The following KIF13A variants were observed in gnomAD, a reference collection of about 807,000 sequenced individuals.
The protein encoded by KIF13A is kinesin-like protein KIF13A.
KIF13A carries 79 observed loss-of-function variants against 212.2 expected under a neutral mutation model. That is an observed-to-expected ratio of 0.37 (90% CI 0.31 to 0.45). The LOEUF (loss-of-function observed/expected upper bound fraction) is 0.45. Among genes scored for constraint, KIF13A ranks in the 20% least tolerant of loss-of-function variants. The pLI is 1.00. For synonymous variants in KIF13A, 789 were observed against 808.6 expected (o/e 0.98, Z 0.41); for missense variants, 1,901 against 2,209.0 (o/e 0.86, Z 2.79).
At chr6:17,873,259 GA>G in intron 4 of KIF13A, 117 bp downstream of exon 4, 1 of 649,062 alleles carries the variant, frequency 1.5e-6, no homozygotes. Flanking sequence ...GGTATAATTG[GA>G]AAGAACAGGT....
intron 4 of KIF13A, among the ~76,000 whole-genome samples, chr6:17,863,846 C>T (rs956071300): frequency 6.6e-6 from 1 of 152,128 alleles, no homozygotes; most frequent in Admixed American, 6.5e-5. Context: ...TTAAACACAA[C>T]AGTCCCTTTT....
At chr6:17,818,912 T>C (rs1416164322) in intron 16 of KIF13A, among the ~76,000 whole-genome samples, 1 of 152,100 alleles carries the variant, frequency 6.6e-6, no homozygotes, top group Non-Finnish European at 1.5e-5. Context: ...GTTTTATTGA[T>C]ATAAAATTCT....
chr6:17,956,244 T>C (rs1309986825), intron 2 of KIF13A, among the ~76,000 whole-genome samples: 1 of 152,206 alleles, frequency 6.6e-6, no homozygotes, highest in African/African-American at 2.4e-5. Flanking sequence ...GTGAAAAGGC[T>C]AGGATTTACT....
rs915641707 is a variant in KIF13A at position 17,772,955 on chromosome 6, A to C, written c.4324+523T>G. 2.0e-5 allele frequency among the ~76,000 whole-genome samples: 3 copies of C among 152,152 alleles called. No individual in the cohort carries two copies. The highest frequency in any genetic ancestry group is 2.0e-4 in the Admixed American group (3 of 15,270). ...GAATATACCTTATATTTTACCTACT[A>C]ATATAAGGTATAAGGTAACAGAACC... On this transcript the variant is annotated intron_variant, in intron 36 of 38. Transcript: ENST00000259711. This position sits in a 1 kb window ranked among gnomAD's most constrained non-coding sequence, Gnocchi z 4.8.
rs1772163074 is a variant in KIF13A, at chr6:17,892,540, G to A, written c.159+5628C>T. 6.6e-6 allele frequency among the ~76,000 whole-genome samples: 1 copy of A among 152,218 alleles called. No homozygotes were observed. Among genetic ancestry groups the A allele is most frequent in the Admixed American group, 6.5e-5 (1 of 15,278 alleles). On this transcript the variant is annotated intron_variant, in intron 3 of 38. Transcript: ENST00000259711. The surrounding 1 kb of genome is among the most constrained non-coding windows in gnomAD (Gnocchi z 4.7). Reference sequence around the variant, plus strand: ...TTGTATGCTAATGAGATGACTGGTGGCTGGGGTCCCCAGGTGGCTTCAAGA... The same window carrying A: ...TTGTATGCTAATGAGATGACTGGTGACTGGGGTCCCCAGGTGGCTTCAAGA...
intron 9 of KIF13A, among the ~76,000 whole-genome samples, chr6:17,840,856 A>G (rs1441503047): frequency 1.3e-5 from 2 of 152,180 alleles, no homozygotes; most frequent in East Asian, 3.8e-4. Context: ...GACTCAGGAA[A>G]AGCTCTAAAA....
chr6:17,760,854 C>T (rs867005050), downstream of KIF13A: 1 of 1,613,812 alleles, frequency 6.2e-7, no homozygotes. Flanking sequence ...GTGCTTGCTG[C>T]TCTCACCGTG....
At chr6:17,781,079 CT>C in intron 30 of KIF13A, 97 bp downstream of exon 30, 2 of 1,506,892 alleles carry the variant, frequency 1.3e-6, no homozygotes, top group Non-Finnish European at 1.8e-6. Flanking sequence ...AGTCCCCGGT[CT>C]TTTTCCCCAA....
chr6:17,920,918 T>C (rs978749097), intron 2 of KIF13A, among the ~76,000 whole-genome samples: 3 of 151,016 alleles, frequency 2.0e-5, no homozygotes, highest in Non-Finnish European at 4.4e-5. Flanking sequence ...AGAATAAACA[T>C]TGTAAATTGA....
chr6:17,924,425 G>A (rs777303898), intron 2 of KIF13A, among the ~76,000 whole-genome samples: 32 of 152,188 alleles, frequency 2.1e-4, no homozygotes, highest in Non-Finnish European at 2.8e-4. Flanking sequence ...ATGTATTAGT[G>A]TGTTTGATGT....
At position 17,786,372 on chromosome 6, in the gene KIF13A, G is replaced by A. The variant is rs541383218; in HGVS notation, c.3362-731C>T. On this transcript the variant is annotated intron_variant, in intron 27 of 38. Coordinates refer to ENST00000259711, the MANE Select transcript of KIF13A (RefSeq NM_022113.6). The surrounding 1 kb of genome is among the most constrained non-coding windows in gnomAD (Gnocchi z 5.4). ...CCAGCACTTTTGGAGGCCGAGGTGG[G>A]CAGATCTCCTGAGGTCAGGAGTTCA... Among the ~76,000 whole-genome samples, 125 of 152,280 alleles carry A rather than the reference G, an allele frequency of 8.2e-4. No homozygotes were observed. The highest frequency in any genetic ancestry group is 1.3e-3 in the Non-Finnish European group (89 of 68,034).
intron 3 of KIF13A, among the ~76,000 whole-genome samples, chr6:17,890,960 G>A (rs1366633017): frequency 9.2e-5 from 14 of 151,890 alleles, no homozygotes; most frequent in East Asian, 7.7e-4. Flanking sequence ...ACACCCAGTC[G>A]AATTTCCCTA....
chr6:17,836,822 G>A (rs1765998321), intron 11 of KIF13A, 56 bp downstream of exon 11: 1 of 1,522,800 alleles, frequency 6.6e-7, no homozygotes, highest in Admixed American at 1.7e-5. Flanking sequence ...ACCCTTGCCA[G>A]TCAAATCCCG....
rs568716057 is a variant in KIF13A at position 17,865,932 on chromosome 6, C to T, written c.220+7445G>A. ...ACCACAGCAACAGCACTGGGGCTGG[C>T]CATGAGCATGGTCTTTTTTTGTTGC... On this transcript the variant is annotated intron_variant, in intron 4 of 38. Transcript: ENST00000259711. 2.0e-5 allele frequency among the ~76,000 whole-genome samples: 3 copies of T among 152,284 alleles called. No individual in the cohort carries two copies. In the South Asian group the frequency reaches 6.2e-4, roughly 32 times the overall value.
chr6:17,797,195 A>C (rs576158332), intron 22 of KIF13A, among the ~76,000 whole-genome samples: 1 of 151,872 alleles, frequency 6.6e-6, no homozygotes, highest in East Asian at 2.0e-4. Context: ...ACGCCCGGCT[A>C]TTTTTTTGTA....
At position 17,929,059 on chromosome 6, in the gene KIF13A, C is replaced by CAAAAA. The variant is rs375511285; in HGVS notation, c.147-30884_147-30880dup. ...AATAACTCAAAAGAAAAGAATTTCT[C>CAAAAA]AAAAAAAAAAAAAAAAAAAAAAAAC... On this transcript the variant is annotated intron_variant, in intron 2 of 38. Coordinates refer to ENST00000259711, the MANE Select transcript of KIF13A (RefSeq NM_022113.6). Among the ~76,000 whole-genome samples, 346 of 36,518 alleles carry CAAAAA rather than the reference C, an allele frequency of 9.5e-3. 4 individuals are homozygous for CAAAAA. Among genetic ancestry groups the CAAAAA allele is most frequent in the African/African-American group, 0.024 (315 of 13,096 alleles). 24.0% of individuals were successfully genotyped at this position (36,518 alleles called of 152,430 possible).
intron 23 of KIF13A, 25 bp downstream of exon 23, chr6:17,796,644 C>A: frequency 5.6e-6 from 8 of 1,439,176 alleles, no homozygotes; most frequent in Non-Finnish European, 7.4e-6. Flanking sequence ...AACCTTGTAC[C>A]TAAAGCTCAC....
chr6:17,964,671 T>G (rs535212221), intron 2 of KIF13A, among the ~76,000 whole-genome samples: 1 of 152,248 alleles, frequency 6.6e-6, no homozygotes, highest in East Asian at 1.9e-4. Flanking sequence ...TTAAAGAATT[T>G]TTTTTTGAAA....
chr6:17,886,294 T>C lies in KIF13A; in HGVS notation c.159+11874A>G, dbSNP rs1454655021. 6.6e-6 allele frequency among the ~76,000 whole-genome samples: 1 copy of C among 152,140 alleles called. No individual in the cohort carries two copies. The highest frequency in any genetic ancestry group is 1.9e-4 in the East Asian group (1 of 5,194). ...GCCTCACTGCACCATGCCAGGTACA[T>C]AGAGCCACAGAGAGGAGAATGCTAG... On this transcript the variant is annotated intron_variant, in intron 3 of 38. Transcript: ENST00000259711. This position sits in a 1 kb window ranked among gnomAD's most constrained non-coding sequence, Gnocchi z 5.6.
Sources: allele counts gnomAD v4.1 joint callset (sites outside exome capture counted in the v4.1 genomes callset), GRCh38; gene constraint gnomAD v4.1.1; non-coding constraint Gnocchi (gnomAD v3.1); transcripts MANE v1.5; gene names NCBI Gene and HGNC (gene_info 2026-07-23, HGNC 2026-07-21).